FTSJ1: variants seen among roughly 807,000 people sequenced by gnomAD.
FTSJ1 encodes FtsJ RNA 2'-O-methyltransferase 1, also known as tRNA (cytidine(32)/guanosine(34)-2'-O)-methyltransferase.
A neutral mutation model predicts 28.5 loss-of-function variants in FTSJ1; 3 were observed. That is an observed-to-expected ratio of 0.11 (90% CI 0.05 to 0.27). FTSJ1 has a LOEUF of 0.27. Among genes scored for constraint, FTSJ1 ranks in the 10% least tolerant of loss-of-function variants. FTSJ1 has a pLI of 1.00. For missense variants in FTSJ1, 162 were observed against 279.0 expected (o/e 0.58, Z 2.99); for synonymous variants, 104 against 113.9 (o/e 0.91, Z 0.55).
intron 11 of FTSJ1, 93 bp downstream of exon 11, chrX:48,482,887 T>C: frequency 8.3e-7 from 1 of 1,209,786 alleles, no homozygotes; most frequent in South Asian, 1.8e-5. Context: ...AAAATTCCCT[T>C]TCCTGCCTCC....
At chrX:48,477,059 G>A (rs1454820334) in intron 1 of FTSJ1, among the ~76,000 whole-genome samples, 1 of 110,715 alleles carries the variant, frequency 9.0e-6, no homozygotes, top group Non-Finnish European at 1.9e-5. Context: ...TTGGGCTATG[G>A]TGGCATGACC....
Position 48,481,718 on chromosome X carries a change from G to C in FTSJ1, c.655+3G>C. The C allele has an allele frequency of 8.9e-7, 1 of 1,128,370 alleles. No homozygotes were observed. The highest frequency in any genetic ancestry group is 1.2e-6 in the Non-Finnish European group (1 of 819,412). 93.0% of individuals were successfully genotyped at this position (1,128,370 alleles called of 1,213,427 possible). A position where few individuals can be genotyped will look rare whatever the true frequency, so the allele number is the denominator to read the frequency against. On this transcript the variant is annotated splice_donor_region_variant and intron_variant, in intron 9 of 12. Coordinates refer to ENST00000348411, the MANE Select transcript of FTSJ1 (RefSeq NM_012280.4). ...ACCCCTGCTGGACCATTCTTACGGT[G>C]AGAGCTGGAGCATGGGCCACCCTGG... is the stretch of plus-strand genomic sequence containing the variant.
chrX:48,482,909 A>C (rs2061579176), intron 11 of FTSJ1, 77 bp from the exon 12 acceptor site: 3 of 1,207,316 alleles, frequency 2.5e-6, no homozygotes, highest in Non-Finnish European at 2.2e-6. Context: ...AATAGCTATA[A>C]AAAATTGGTA....
At chrX:48,485,661 C>T (rs2061598078) in intron 12 of FTSJ1, 75 bp from the exon 13 acceptor site, 1 of 111,144 alleles carries the variant, frequency 9.0e-6, no homozygotes, top group African/African-American at 3.3e-5. Flanking sequence ...TGCACTCCAG[C>T]CTGGGTGACA....
At position 48,481,697 on chromosome X, in the gene FTSJ1, C is replaced by G; in HGVS notation, c.637C>G (p.Leu213Val). The stretch of plus-strand genomic sequence containing the variant: ...CTTCATCCCGGACCTGAGCAAACCC[C>G]TGCTGGACCATTCTTACGGTGAGAG... ...EGFIPDLSKP[L>V]LDHSYDPDFN... The change falls in exon 9 of 13, where the codon CTG becomes GTG. Residue 213 changes from leucine to valine, a missense_variant. Physicochemically the swap from Leu to Val is conservative, Grantham distance 32 (BLOSUM62 1). Transcript: ENST00000348411. 1 of 1,178,771 alleles carries G rather than the reference C, an allele frequency of 8.5e-7. No homozygotes were observed. The highest frequency in any genetic ancestry group is 1.2e-6 in the Non-Finnish European group (1 of 864,982).
Position 48,481,136 on chromosome X carries a change from T to A in FTSJ1, c.362-15T>A. On this transcript the variant is annotated splice_polypyrimidine_tract_variant and intron_variant, in intron 5 of 12. Transcript: ENST00000348411. The stretch of plus-strand genomic sequence containing the variant: ...GCCAGATGGGACCCCCCTAACGCTG[T>A]TCCTCTTGCCACAGTAACCGGTCTC... 1 of 1,204,301 alleles carries A rather than the reference T, an allele frequency of 8.3e-7. No homozygotes were observed. The highest frequency in any genetic ancestry group is 1.8e-5 in the South Asian group (1 of 56,662).
At chrX:48,480,105 T>C (rs1450892654) in intron 5 of FTSJ1, among the ~76,000 whole-genome samples, 7 of 107,961 alleles carry the variant, frequency 6.5e-5, no homozygotes, top group African/African-American at 1.7e-4. Context: ...GATCGCACCA[T>C]TGCACTCCAG....
Position 48,478,137 on chromosome X carries a change from A to G in FTSJ1, c.90A>G (p.Leu30=), listed in dbSNP as rs782814222. The stretch of plus-strand genomic sequence containing the variant: ...GTGCTCGCAGCGCCTTCAAACTGCT[A>G]CAACTGGATAAGGAATTCCAACTCT... ...GWRARSAFKL[L]QLDKEFQLFQ... Residue 30 remains leucine (L), a synonymous_variant, in exon 2 of 13, where the codon CTA becomes CTG. Coordinates refer to ENST00000348411, the MANE Select transcript of FTSJ1 (RefSeq NM_012280.4). 7.4e-6 allele frequency: 9 copies of G among 1,208,138 alleles called. No homozygotes were observed. Among genetic ancestry groups the G allele is most frequent in the Non-Finnish European group, 1.0e-5 (9 of 894,162 alleles).
At chrX:48,484,070 C>T (rs375014321) in intron 12 of FTSJ1, among the ~76,000 whole-genome samples, 1 of 110,130 alleles carries the variant, frequency 9.1e-6, no homozygotes, top group South Asian at 3.9e-4. Flanking sequence ...CACAAAAAGC[C>T]ACCTTTTTTT....
chrX:48,482,915 T>C (rs2061579239), intron 11 of FTSJ1, 71 bp from the exon 12 acceptor site: 1 of 1,207,557 alleles, frequency 8.3e-7, no homozygotes, highest in Admixed American at 2.2e-5. Flanking sequence ...TATAAAAAAT[T>C]GGTAAAGCCA....
rs1306265908 is a variant in FTSJ1, at chrX:48,482,516, C to T, written c.759+10C>T. ...CAGTTACCCACTGGACGTGAGTGCC[C>T]AACCAACAGTAGGTGGGTGGGAGGG... is the stretch of plus-strand genomic sequence containing the variant. On this transcript the variant is annotated intron_variant, in intron 10 of 12. Transcript: ENST00000348411. 8.4e-7 allele frequency: 1 copy of T among 1,185,098 alleles called. No individual in the cohort carries two copies. The highest frequency in any genetic ancestry group is 1.1e-6 in the Non-Finnish European group (1 of 874,013).
intron 12 of FTSJ1, chrX:48,483,279 CAG>C (rs2147098402): frequency 2.5e-6 from 1 of 400,159 alleles, no homozygotes; most frequent in Non-Finnish European, 4.4e-6. Context: ...GGGAGCAAAA[CAG>C]AAATATCTTG....
intron 10 of FTSJ1, 21 bp from the exon 11 acceptor site, chrX:48,482,576 C>T (rs2061576211): frequency 1.7e-6 from 2 of 1,194,822 alleles, no homozygotes; most frequent in South Asian, 3.6e-5. Flanking sequence ...TCACCATCTC[C>T]CTACCCCTCT....
chrX:48,481,817 C>G lies in FTSJ1; in HGVS notation c.655+102C>G. ...TCTCACCCCCTGGGGGAGGCTCTGT[C>G]CCCTCATGGGAATTTTTTTCCCAAG... On this transcript the variant is annotated intron_variant, in intron 9 of 12. Coordinates refer to ENST00000348411, the MANE Select transcript of FTSJ1 (RefSeq NM_012280.4). 5.2e-6 allele frequency: 3 copies of G among 576,353 alleles called. No homozygotes were observed. The South Asian group carries it at 7.2e-5, about 14-fold the overall frequency. 47.5% of individuals were successfully genotyped at this position (576,353 alleles called of 1,213,427 possible).
chrX:48,478,371 A>G, intron 2 of FTSJ1, 78 bp from the exon 3 acceptor site: 1 of 1,003,579 alleles, frequency 1.0e-6, no homozygotes. Context: ...CCCAGGGGAG[A>G]GGGGTGAATT....
rs1556966892 is a variant in FTSJ1 at position 48,478,026 on chromosome X, C to T, written c.-22C>T. 1 of 1,211,317 alleles carries T rather than the reference C, an allele frequency of 8.3e-7. No homozygotes were observed. The highest frequency in any genetic ancestry group is 3.0e-5 in the East Asian group (1 of 33,835). On this transcript the variant is annotated 5_prime_UTR_variant, in exon 2 of 13. Transcript: ENST00000348411. ...CGGCATCAGTGGACTGTCGGCAGGT[C>T]CTTGAGCAACTGGTGTGTGAAATGG... is the stretch of plus-strand genomic sequence containing the variant.
At chrX:48,484,841 G>A (rs1556969669) in intron 12 of FTSJ1, among the ~76,000 whole-genome samples, 1 of 112,499 alleles carries the variant, frequency 8.9e-6, no homozygotes, top group African/African-American at 3.2e-5. Context: ...GAAAATACAA[G>A]TGAAAACTCA....
intron 5 of FTSJ1, among the ~76,000 whole-genome samples, chrX:48,480,695 T>G (rs1178114012): frequency 1.8e-5 from 2 of 110,763 alleles, no homozygotes; most frequent in Non-Finnish European, 3.8e-5. Context: ...AGTCAGATCT[T>G]TTGAAAGTAG....
intron 4 of FTSJ1, 79 bp from the exon 5 acceptor site, chrX:48,478,959 G>A: frequency 1.2e-6 from 1 of 816,889 alleles, no homozygotes; most frequent in Non-Finnish European, 1.9e-6. Flanking sequence ...CAGGGGCTGT[G>A]GGCCAGGACC....
Sources: allele counts gnomAD v4.1 joint callset (sites outside exome capture counted in the v4.1 genomes callset), GRCh38; gene constraint gnomAD v4.1.1; transcripts MANE v1.5; gene names NCBI Gene and HGNC (gene_info 2026-07-23, HGNC 2026-07-21).